Variants in ARMCX4 observed in about 807,000 individuals in gnomAD.
The protein encoded by ARMCX4 is armadillo repeat containing X-linked 4.
In ARMCX4, 3 loss-of-function variants were observed where a neutral mutation model predicts 34.7. The ratio of observed to expected loss-of-function variants is 0.09; its 90% CI spans 0.04 to 0.22. The LOEUF (loss-of-function observed/expected upper bound fraction) is 0.22. Among genes scored for constraint, ARMCX4 ranks in the 10% least tolerant of loss-of-function variants. ARMCX4 has a pLI of 1.00. For synonymous variants in ARMCX4, 513 were observed against 632.8 expected, an observed-to-expected ratio of 0.81 and a Z score of 2.84; for missense variants, 1,448 against 1,720.8, an observed-to-expected ratio of 0.84 and a Z score of 2.81.
At chrX:101,429,083 C>G (rs1295761586) in intron 2 of ARMCX4, among the ~76,000 whole-genome samples, 2 of 109,588 alleles carry the variant, frequency 1.8e-5, no homozygotes, top group African/African-American at 6.7e-5. Flanking sequence ...TGGTCTCGAA[C>G]TCCTGGGCTC....
At chrX:101,421,011 A>T (rs936172140) in intron 2 of ARMCX4, among the ~76,000 whole-genome samples, 30 of 110,509 alleles carry the variant, frequency 2.7e-4, no homozygotes, top group Non-Finnish European at 4.9e-4. Flanking sequence ...CAGCCTGGCC[A>T]ACCAACATGG....
downstream of ARMCX4, among the ~76,000 whole-genome samples, chrX:101,534,479 A>G (rs1410893272): frequency 5.4e-5 from 6 of 111,341 alleles, no homozygotes; most frequent in Middle Eastern, 9.4e-3. Flanking sequence ...GAAACATATT[A>G]TGAAGATACT....
chrX:101,433,270 A>G (rs1930408219), intron 2 of ARMCX4, among the ~76,000 whole-genome samples: 2 of 108,475 alleles, frequency 1.8e-5, no homozygotes, highest in South Asian at 3.8e-4. Context: ...ACATATATGT[A>G]CACATGTACG....
chrX:101,534,269 G>A (rs1328184947), downstream of ARMCX4, among the ~76,000 whole-genome samples: 3 of 111,588 alleles, frequency 2.7e-5, no homozygotes, highest in African/African-American at 9.8e-5. Context: ...TGGGTTGTTG[G>A]ATAGAAAGAT....
At chrX:101,466,877 A>C (rs1447562086) in intron 4 of ARMCX4, among the ~76,000 whole-genome samples, 1 of 111,991 alleles carries the variant, frequency 8.9e-6, no homozygotes, top group Non-Finnish European at 1.9e-5. Flanking sequence ...ATTATACACC[A>C]ATAAACCTGA....
downstream of ARMCX4, chrX:101,498,086 T>C (rs782659559): frequency 1.9e-5 from 6 of 316,833 alleles, no homozygotes; most frequent in Admixed American, 1.3e-4. Flanking sequence ...TTGCCCCAAA[T>C]TGGGACAGCT....
Position 101,493,696 on chromosome X carries a change from G to A in ARMCX4, c.5107G>A (p.Asp1703Asn). 1.7e-6 allele frequency: 2 copies of A among 1,154,504 alleles called. No homozygotes were observed. The highest frequency in any genetic ancestry group is 2.3e-6 in the Non-Finnish European group (2 of 872,591). Residue 1703 changes from aspartate (D) to asparagine (N), a missense_variant, in exon 6 of 6, where the codon GAC becomes AAC. Physicochemically the swap from Asp to Asn is conservative, Grantham distance 23. Transcript: ENST00000423738. ...TGGAGGATCTAGGATGGGATCTGAG[G>A]ACCAGGCCACTGGAGGATCCTGGGC... The part of the protein sequence containing the change: ...AIGGSRMGSE[D>N]QATGGSWARS...
intron 7 of ARMCX4, among the ~76,000 whole-genome samples, chrX:101,502,233 G>A (rs911635181): frequency 1.5e-4 from 17 of 111,369 alleles, no homozygotes; most frequent in Non-Finnish European, 3.0e-4. Flanking sequence ...GCAATGAGAT[G>A]GAAGTTTCTT....
intron 4 of ARMCX4, among the ~76,000 whole-genome samples, chrX:101,475,486 G>A (rs782599117): frequency 1.8e-5 from 2 of 110,959 alleles, no homozygotes; most frequent in Non-Finnish European, 3.8e-5. Flanking sequence ...AGGGGTGTGC[G>A]GGGAAGGAAC....
chrX:101,490,810 G>A lies in ARMCX4; in HGVS notation c.2221G>A (p.Gly741Arg). 9.0e-7 allele frequency: 1 copy of A among 1,106,595 alleles called. No homozygotes were observed. The allele number at this position is 1,106,595 out of a possible 1,213,427, so 91.2% of individuals were successfully genotyped here. Residue 741 changes from glycine to arginine, a missense_variant, in exon 6 of 6, where the codon GGG (glycine) becomes AGG (arginine). Gly to Arg is a moderately radical substitution (Grantham distance 125). Coordinates refer to ENST00000423738, the MANE Select transcript of ARMCX4 (RefSeq NM_001256155.3). ...NPTTVPNSGV[G>R]PYTTDSARLQ... ...CACTACTGTGCCTAATTCAGGGGTT[G>A]GGCCATATACAACAGACTCTGCCCG...
chrX:101,423,283 C>A (rs961494311), intron 2 of ARMCX4, among the ~76,000 whole-genome samples: 23 of 110,176 alleles, frequency 2.1e-4, no homozygotes, highest in African/African-American at 7.6e-4. Context: ...CTCATTTTCG[C>A]GAATTACAGC....
chrX:101,489,189 A>G lies in ARMCX4; in HGVS notation c.600A>G (p.Thr200=). ...AETHILAEKE[T]EINRVMVTQS... The stretch of plus-strand genomic sequence containing the variant: ...CTCATATATTGGCTGAAAAAGAGAC[A>G]GAGATTAACAGAGTAATGGTTACAC... Residue 200 remains threonine (T), a synonymous_variant, in exon 6 of 6, where the codon ACA becomes ACG. Coordinates refer to ENST00000423738, the MANE Select transcript of ARMCX4 (RefSeq NM_001256155.3). 1 of 1,155,726 alleles carries G rather than the reference A, an allele frequency of 8.7e-7. No homozygotes were observed. The highest frequency in any genetic ancestry group is 2.6e-5 in the Admixed American group (1 of 38,780).
chrX:101,532,250 G>C (rs1052216359), intron 12 of ARMCX4: 1 of 111,628 alleles, frequency 9.0e-6, no homozygotes, highest in Non-Finnish European at 1.9e-5. Flanking sequence ...AGTCATGAAA[G>C]CAGTGGCCCT....
At chrX:101,513,915 A>T (rs1463043566) in intron 11 of ARMCX4, among the ~76,000 whole-genome samples, 2 of 111,055 alleles carry the variant, frequency 1.8e-5, no homozygotes, top group Non-Finnish European at 3.8e-5. Context: ...TACTAGTATT[A>T]GTACTAAGGG....
intron 11 of ARMCX4, among the ~76,000 whole-genome samples, chrX:101,512,832 A>ATATATATGTG (rs1238055103): frequency 3.4e-5 from 3 of 87,745 alleles, no homozygotes; most frequent in Non-Finnish European, 6.5e-5. Context: ...ATATACACAT[A>ATATATATGTG]TATATATGTG....
intron 11 of ARMCX4, among the ~76,000 whole-genome samples, chrX:101,526,305 G>A (rs1211020841): frequency 9.0e-6 from 1 of 111,702 alleles, no homozygotes; most frequent in African/African-American, 3.3e-5. Context: ...TCACCACCAG[G>A]CCTGCCTTAC....
At chrX:101,444,709 A>G (rs1415843032) in intron 3 of ARMCX4, among the ~76,000 whole-genome samples, 1 of 112,286 alleles carries the variant, frequency 8.9e-6, no homozygotes, top group African/African-American at 3.2e-5. Flanking sequence ...TATAAGTGAC[A>G]AATAAATATT....
chrX:101,530,852 A>C (rs1181684078), intron 11 of ARMCX4, among the ~76,000 whole-genome samples: 2 of 112,450 alleles, frequency 1.8e-5, no homozygotes, highest in African/African-American at 6.5e-5. Context: ...TCAGGAATGG[A>C]GAAGCAATAG....
chrX:101,445,815 G>A (rs1211778272), intron 3 of ARMCX4, among the ~76,000 whole-genome samples: 2 of 110,896 alleles, frequency 1.8e-5, no homozygotes, highest in African/African-American at 6.6e-5. Flanking sequence ...GGTATGTGGC[G>A]CCTACCCTGG....
Sources: gnomAD v4.1 joint callset for allele counts (sites outside exome capture counted in the v4.1 genomes callset) on GRCh38, gnomAD v4.1.1 for gene constraint, MANE v1.5 for transcripts, NCBI Gene and HGNC (gene_info 2026-07-23, HGNC 2026-07-21) for gene names.